Variants in LARP7 observed in about 807,000 individuals in gnomAD.
LARP7 encodes the protein La ribonucleoprotein 7, transcriptional regulator, also known as la-related protein 7.
A neutral mutation model predicts 69.3 loss-of-function variants in LARP7; 52 were observed. That is an observed-to-expected ratio of 0.75 (90% confidence interval 0.60 to 0.95). The LOEUF (loss-of-function observed/expected upper bound fraction) is 0.95, where lower values mean the gene tolerates loss of function less well. Among genes scored for constraint, LARP7 ranks in the 40% least tolerant of loss-of-function variants. The pLI, the probability that LARP7 is intolerant of heterozygous loss-of-function variation, is 0.00. For missense variants in LARP7, 733 were observed against 673.0 expected (o/e 1.09, Z -0.99); for synonymous variants, 254 against 215.9 (o/e 1.18, Z -1.55).
In LARP7 at chr4:112,647,525, T is replaced by A; in HGVS notation, c.973T>A (p.Ser325Thr). ...IIQKDIIKEA[S>T]EASKENRDIE... ...TCAGAAAGACATCATTAAGGAAGCA[T>A]CAGAAGCTTCCAAGGAAAATAGAGG... Residue 325 changes from serine to threonine, a missense_variant, in exon 7 of 13, where the codon TCA becomes ACA. Ser to Thr is a moderately conservative substitution (Grantham distance 58). Coordinates refer to ENST00000344442, the MANE Select transcript of LARP7 (RefSeq NM_016648.4). The A allele has an allele frequency of 1.9e-6, 3 of 1,607,062 alleles. No homozygotes were observed. The highest frequency in any genetic ancestry group is 2.5e-6 in the Non-Finnish European group (3 of 1,177,554).
At chr4:112,654,708 G>A (rs1162818512) in intron 12 of LARP7, 1 of 152,254 alleles carries the variant, frequency 6.6e-6, no homozygotes, top group Non-Finnish European at 1.5e-5. Context: ...GATCAGTAGT[G>A]GAATCACACC....
chr4:112,649,591 C>T lies in LARP7; in HGVS notation c.1199C>T (p.Ala400Val), dbSNP rs1560943144. Residue 400 changes from alanine (A) to valine (V), a missense_variant, in exon 9 of 13, where the codon GCT (alanine) becomes GTT (valine). Coordinates refer to ENST00000344442, the MANE Select transcript of LARP7 (RefSeq NM_016648.4). ...TTAGCGCTACAAAAAGCTAGCATGG[C>T]TTCTTTAAAAAAAACAATATCCCAA... ...EYLALQKASMASLKKTISQIK... is the reference protein window; with the variant it reads ...EYLALQKASMVSLKKTISQIK... 2 of 1,606,680 alleles carry T rather than the reference C, an allele frequency of 1.2e-6. No homozygotes were observed. The highest frequency in any genetic ancestry group is 1.7e-6 in the Non-Finnish European group (2 of 1,176,158).
At chr4:112,643,367 T>A (rs139647703) in intron 1 of LARP7, among the ~76,000 whole-genome samples, 1 of 152,320 alleles carries the variant, frequency 6.6e-6, no homozygotes, top group Non-Finnish European at 1.5e-5. Context: ...TGGGGATATG[T>A]GTTTCAAAGA....
At chr4:112,645,908 G>A (rs760822599) in intron 2 of LARP7, among the ~76,000 whole-genome samples, 8 of 152,042 alleles carry the variant, frequency 5.3e-5, no homozygotes, top group East Asian at 1.9e-4. Context: ...CTAATAATTT[G>A]TGTTCAAATC....
At chr4:112,645,505 T>C (rs1190049702) in intron 2 of LARP7, 7 of 452,756 alleles carry the variant, frequency 1.5e-5, no homozygotes, top group South Asian at 8.0e-5. Context: ...CTCAATGTTA[T>C]TTTTTGTTTC....
chr4:112,650,378 T>C, intron 9 of LARP7, 83 bp from the exon 10 acceptor site: 2 of 1,314,906 alleles, frequency 1.5e-6, no homozygotes, highest in Non-Finnish European at 1.1e-6. Flanking sequence ...GCCTCAGGAA[T>C]TATTCTAAGG....
intron 10 of LARP7, 73 bp from the exon 11 acceptor site, chr4:112,653,004 C>A (rs2048813487): frequency 3.4e-6 from 4 of 1,163,968 alleles, no homozygotes; most frequent in Non-Finnish European, 3.6e-6. Context: ...TCTGGCATAA[C>A]CATTGGAATA....
At chr4:112,653,275 A>G in intron 11 of LARP7, 39 bp downstream of exon 11, 2 of 1,485,112 alleles carry the variant, frequency 1.3e-6, no homozygotes, top group African/African-American at 2.9e-5. Context: ...TTTTGTTATC[A>G]TCCTTATTGT....
At chr4:112,648,187 C>T (rs1248366287) in intron 8 of LARP7, 1 of 531,794 alleles carries the variant, frequency 1.9e-6, no homozygotes, top group Non-Finnish European at 3.9e-6. Context: ...GACTTACCAT[C>T]ACCAAAACAT....
chr4:112,654,335 G>A (rs1327837120), intron 12 of LARP7, 176 bp downstream of exon 12: 2 of 489,920 alleles, frequency 4.1e-6, no homozygotes, highest in African/African-American at 1.9e-5. Flanking sequence ...ATTTCAAAAT[G>A]TATGAAATTG....
intron 1 of LARP7, among the ~76,000 whole-genome samples, chr4:112,644,031 A>G (rs2048062503): frequency 1.3e-5 from 2 of 151,932 alleles, no homozygotes; most frequent in South Asian, 4.2e-4. Flanking sequence ...TCACCAGGAC[A>G]GCAATTCAAG....
At chr4:112,653,959 TATA>T (rs2048859567) in intron 11 of LARP7, 106 bp from the exon 12 acceptor site, 1 of 785,450 alleles carries the variant, frequency 1.3e-6, no homozygotes, top group Non-Finnish European at 2.2e-6. Context: ...TAGCATTAAA[TATA>T]ATCAAAAACT....
rs758567755 is a variant in LARP7, at chr4:112,647,189, A to G, written c.647-10A>G. The G allele has an allele frequency of 1.3e-6, 2 of 1,591,042 alleles. No homozygotes were observed. Among genetic ancestry groups the G allele is most frequent in the South Asian group, 1.2e-5 (1 of 85,886 alleles). On this transcript the variant is annotated splice_polypyrimidine_tract_variant and intron_variant, in intron 6 of 12. Coordinates refer to ENST00000344442, the MANE Select transcript of LARP7 (RefSeq NM_016648.4). ...AGTAAGATGAACTAATAATGATGGCACTTTTACAGAAGAGAAGAAAAAGAA... is the reference window on the plus strand; with the variant it reads ...AGTAAGATGAACTAATAATGATGGCGCTTTTACAGAAGAGAAGAAAAAGAA...
Position 112,646,438 on chromosome 4 carries a change from C to A in LARP7, c.290C>A (p.Ser97Ter), listed in dbSNP as rs2048243728. 9.4e-6 allele frequency: 15 copies of A among 1,596,528 alleles called. No individual in the cohort carries two copies. The highest frequency in any genetic ancestry group is 1.3e-5 in the Non-Finnish European group (15 of 1,165,912). Reference protein sequence around the residue: ...GKLIARALRSSAVVELDLEGT... With the variant: ...GKLIARALRS ...TTAATTGCCAGAGCATTGAGAAGTTCAGCTGTTGTAGAGGTAAGAATCAAG... is the reference window on the plus strand; with the variant it reads ...TTAATTGCCAGAGCATTGAGAAGTTAAGCTGTTGTAGAGGTAAGAATCAAG... Residue 97 changes from serine to a stop codon, truncating the protein, a stop_gained, in exon 3 of 13, where the codon TCA (serine) becomes TAA (stop). Coordinates refer to ENST00000344442, the MANE Select transcript of LARP7 (RefSeq NM_016648.4). LOFTEE classifies it high-confidence loss of function.
intron 10 of LARP7, among the ~76,000 whole-genome samples, chr4:112,651,822 A>G (rs1289469314): frequency 6.6e-6 from 1 of 152,168 alleles, no homozygotes; most frequent in Non-Finnish European, 1.5e-5. Flanking sequence ...TTTAGTATAT[A>G]TCTTTTGAGT....
chr4:112,654,149 G>A lies in LARP7; in HGVS notation c.1658G>A (p.Gly553Asp), dbSNP rs1461105401. 1.2e-6 allele frequency: 2 copies of A among 1,612,468 alleles called. No individual in the cohort carries two copies. The highest frequency in any genetic ancestry group is 1.7e-5 in the Admixed American group (1 of 59,782). The change falls in exon 12 of 13, where the codon GGC becomes GAC. Residue 553 changes from glycine to aspartate, a missense_variant. Transcript: ENST00000344442. ...AATCAGCCTCGGGAAAAGAAAAGAG[G>A]CACTGAAAAGGTAATTGATTCATTT... is the stretch of plus-strand genomic sequence containing the variant. Reference protein sequence around the residue: ...KLNQPREKKRGTEKLITKAEK... With the variant: ...KLNQPREKKRDTEKLITKAEK...
intron 8 of LARP7, chr4:112,648,344 G>GT: frequency 3.8e-6 from 2 of 532,814 alleles, no homozygotes; most frequent in South Asian, 2.8e-5. Flanking sequence ...GTAACAAAAG[G>GT]TGTGCTGGCT....
chr4:112,648,443 A>G (rs1184239754), intron 8 of LARP7: 1 of 534,568 alleles, frequency 1.9e-6, no homozygotes, highest in African/African-American at 1.9e-5. Context: ...ATCCCTTCAA[A>G]TGAGGTTAGC....
chr4:112,647,857 G>A, intron 8 of LARP7, 23 bp downstream of exon 8: 2 of 1,515,374 alleles, frequency 1.3e-6, no homozygotes, highest in Non-Finnish European at 1.8e-6. Flanking sequence ...TTTAAATTCT[G>A]TCATTGGCTT....
Sources: gnomAD v4.1 joint callset for allele counts (sites outside exome capture counted in the v4.1 genomes callset) on GRCh38, gnomAD v4.1.1 for gene constraint, MANE v1.5 for transcripts, NCBI Gene and HGNC (gene_info 2026-07-23, HGNC 2026-07-21) for gene names.